The following CCNT1 variants were observed in gnomAD, a reference collection of about 807,000 sequenced individuals.
CCNT1 encodes cyclin-T1.
A neutral mutation model predicts 67.3 loss-of-function variants in CCNT1; 18 were observed. That is an observed-to-expected ratio of 0.27 (90% confidence interval 0.18 to 0.40). CCNT1 has a LOEUF of 0.40. Ranked by LOEUF, CCNT1 falls within the 10% of genes least tolerant of loss-of-function variation. CCNT1 has a pLI of 1.00. For synonymous variants in CCNT1, 333 were observed against 310.3 expected (o/e 1.07, Z -0.77); for missense variants, 744 against 884.9 (o/e 0.84, Z 2.02).
Position 48,693,577 on chromosome 12 carries a change from T to C in CCNT1, c.1637A>G (p.Lys546Arg). 1.2e-6 allele frequency: 2 copies of C among 1,614,054 alleles called. No individual in the cohort carries two copies. The highest frequency in any genetic ancestry group is 1.7e-6 in the Non-Finnish European group (2 of 1,180,024). Residue 546 changes from lysine to arginine, a missense_variant, in exon 9 of 9, where the codon AAA (lysine) becomes AGA (arginine). Transcript: ENST00000261900. ...GTGNKRPGDP[K>R]HSSQTSNLAH... The stretch of plus-strand genomic sequence containing the variant: ...TAAGTTGCTTGTCTGGCTACTATGT[T>C]TTGGATCACCAGGACGTTTGTTCCC...
chr12:48,697,304 G>C (rs1940184664), intron 6 of CCNT1, among the ~76,000 whole-genome samples: 1 of 151,882 alleles, frequency 6.6e-6, no homozygotes, highest in African/African-American at 2.4e-5. Context: ...CGGATCACTT[G>C]AGGCCAGGAG....
intron 1 of CCNT1, 41 bp downstream of exon 1, chr12:48,716,474 G>A (rs745930084): frequency 6.4e-6 from 10 of 1,550,460 alleles, no homozygotes; most frequent in Middle Eastern, 3.5e-4. Flanking sequence ...AGAGCATGGC[G>A]GGACCAACTC....
chr12:48,703,371 C>T (rs1408146390), intron 3 of CCNT1, among the ~76,000 whole-genome samples: 1 of 151,478 alleles, frequency 6.6e-6, no homozygotes, highest in African/African-American at 2.4e-5. Context: ...GTCAGGAGTT[C>T]GAGACCAGCC....
chr12:48,709,154 T>G (rs1043670852), intron 2 of CCNT1, among the ~76,000 whole-genome samples: 1 of 152,104 alleles, frequency 6.6e-6, no homozygotes, highest in African/African-American at 2.4e-5. Flanking sequence ...TTTAAGCCTA[T>G]TAGAAACTAA....
rs1940113702 is a variant in CCNT1, at chr12:48,693,465, A to G, written c.1749T>C (p.Ala583=). ...KRGPSEETGG[A]VFDHPAKIAK... Reference sequence around the variant, plus strand: ...CAATCTTGGCTGGATGATCAAACACAGCCCCTCCAGTCTCTTCAGAGGGTC... The same window carrying G: ...CAATCTTGGCTGGATGATCAAACACGGCCCCTCCAGTCTCTTCAGAGGGTC... The change falls in exon 9 of 9, where the codon GCT becomes GCC. Residue 583 remains alanine, a synonymous_variant. Coordinates refer to ENST00000261900, the MANE Select transcript of CCNT1 (RefSeq NM_001240.4). 1 of 1,614,246 alleles carries G rather than the reference A, an allele frequency of 6.2e-7. No homozygotes were observed. The highest frequency in any genetic ancestry group is 1.3e-5 in the African/African-American group (1 of 75,072).
rs1940100761 is a variant in CCNT1, at chr12:48,693,015, CCTCTT to C, written c.*13_*17del. On this transcript the variant is annotated 3_prime_UTR_variant, in exon 9 of 9. Transcript: ENST00000261900. ...TGTTTTTTTAAAGAAGTTTTTTTCTCCTCTTCTTTTTCTTTTTTTACTTAGGAAGG... is the reference window on the plus strand; with the variant it reads ...TGTTTTTTTAAAGAAGTTTTTTTCTCCTTTTTCTTTTTTTACTTAGGAAGG... 1 of 1,457,880 alleles carries C rather than the reference CCTCTT, an allele frequency of 6.9e-7. No homozygotes were observed. The allele number at this position is 1,457,880 out of a possible 1,614,324, so 90.3% of individuals were successfully genotyped here.
Position 48,693,424 on chromosome 12 carries a change from G to C in CCNT1, c.1790C>G (p.Ser597Cys). Reference sequence around the variant, plus strand: ...AGGGAAGGAGAAATTTAGGGAAGAGGATTTAGTACTCTTGGCAATCTTGGC... The same window carrying C: ...AGGGAAGGAGAAATTTAGGGAAGAGCATTTAGTACTCTTGGCAATCTTGGC... ...HPAKIAKSTK[S>C]SSLNFSFPSL... The change falls in exon 9 of 9, where the codon TCC (serine) becomes TGC (cysteine). Residue 597 changes from serine (S) to cysteine (C), a missense_variant. Around this residue, in one of 3 missense-constraint regions of CCNT1, gnomAD observed 564 missense variants for 574.2 expected, o/e 0.98. Transcript: ENST00000261900. 6.2e-7 allele frequency: 1 copy of C among 1,614,204 alleles called. No homozygotes were observed. The highest frequency in any genetic ancestry group is 8.5e-7 in the Non-Finnish European group (1 of 1,180,046).
At chr12:48,708,552 A>G (rs906618974) in intron 2 of CCNT1, among the ~76,000 whole-genome samples, 2 of 151,950 alleles carry the variant, frequency 1.3e-5, no homozygotes, top group Non-Finnish European at 2.9e-5. Flanking sequence ...GTCTCAAAAA[A>G]AGAAAAAAAA....
intron 2 of CCNT1, among the ~76,000 whole-genome samples, chr12:48,706,696 G>A (rs901443117): frequency 6.6e-6 from 1 of 152,120 alleles, no homozygotes; most frequent in Admixed American, 6.6e-5. Flanking sequence ...GTAATGCTAA[G>A]AGCTGTATTT....
intron 6 of CCNT1, among the ~76,000 whole-genome samples, chr12:48,697,095 T>C (rs1396491782): frequency 6.6e-6 from 1 of 152,110 alleles, no homozygotes; most frequent in Non-Finnish European, 1.5e-5. Flanking sequence ...CAGCCTGGGA[T>C]TACAGGTATG....
intron 2 of CCNT1, 87 bp downstream of exon 2, chr12:48,714,356 G>T (rs1432098859): frequency 5.1e-6 from 4 of 788,456 alleles, no homozygotes; most frequent in African/African-American, 3.5e-5. Flanking sequence ...TCAAGTTACA[G>T]TTCAGTAGCA....
Position 48,693,248 on chromosome 12 carries a change from C to G in CCNT1, c.1966G>C (p.Asp656His). The G allele has an allele frequency of 6.2e-7, 1 of 1,614,182 alleles. No homozygotes were observed. Among genetic ancestry groups the G allele is most frequent in the East Asian group, 2.2e-5 (1 of 44,882 alleles). ...AGCATATTCACAGTGTCTTGATAGT[C>G]TATTGTCTGGGTCGTGTTGTGACCA... is the stretch of plus-strand genomic sequence containing the variant. The part of the protein sequence containing the change: ...ANGHNTTQTI[D>H]YQDTVNMLHS... The change falls in exon 9 of 9, where the codon GAC becomes CAC. Residue 656 changes from aspartate to histidine, a missense_variant. By Grantham distance (81) the Asp-to-His change is moderately conservative (BLOSUM62 -1). Coordinates refer to ENST00000261900, the MANE Select transcript of CCNT1 (RefSeq NM_001240.4).
Position 48,692,549 on chromosome 12 carries a change from T to C in CCNT1, c.*484A>G, listed in dbSNP as rs1222384790. Reference sequence around the variant, plus strand: ...TCATATACACACAGCAAAATCCCTATCCCCTTCCCAATTATATAAAAAAAC... The same window carrying C: ...TCATATACACACAGCAAAATCCCTACCCCCTTCCCAATTATATAAAAAAAC... On this transcript the variant is annotated 3_prime_UTR_variant, in exon 9 of 9. Transcript: ENST00000261900. 2 of 149,678 alleles carry C rather than the reference T, an allele frequency of 1.3e-5. No homozygotes were observed. The highest frequency in any genetic ancestry group is 2.9e-5 in the Non-Finnish European group (2 of 68,724). The allele number at this position is 149,678 out of a possible 1,614,324, so 9.3% of individuals were successfully genotyped here.
chr12:48,698,796 A>G (rs1273702641), intron 5 of CCNT1, among the ~76,000 whole-genome samples: 3 of 152,148 alleles, frequency 2.0e-5, no homozygotes, highest in African/African-American at 7.2e-5. Context: ...CGTCTCTACT[A>G]AAAATAAAAA....
At chr12:48,703,473 T>C (rs1262973970) in intron 3 of CCNT1, among the ~76,000 whole-genome samples, 1 of 151,500 alleles carries the variant, frequency 6.6e-6, no homozygotes, top group East Asian at 1.9e-4. Flanking sequence ...CTCGGGAGGC[T>C]GAGGCAGGCA....
chr12:48,701,352 A>G (rs1940266173), intron 3 of CCNT1, among the ~76,000 whole-genome samples: 1 of 150,804 alleles, frequency 6.6e-6, no homozygotes, highest in Non-Finnish European at 1.5e-5. Flanking sequence ...CAGCCTCCCA[A>G]GTAGCTAAGA....
chr12:48,695,013 G>A (rs768367707), intron 8 of CCNT1, among the ~76,000 whole-genome samples: 33 of 152,106 alleles, frequency 2.2e-4, no homozygotes, highest in Non-Finnish European at 3.8e-4. Context: ...TAGTAGAGAC[G>A]AGGTTTCACC....
chr12:48,711,537 G>A (rs1320380406), intron 2 of CCNT1, among the ~76,000 whole-genome samples: 1 of 152,010 alleles, frequency 6.6e-6, no homozygotes, highest in East Asian at 1.9e-4. Flanking sequence ...CATAATAAAA[G>A]GGAAGAATTA....
In CCNT1 at chr12:48,691,789, T is replaced by C. The variant is rs565307133; in HGVS notation, c.*1244A>G. ...CTCAAGTCATATAGGCTGCAAAAAC[T>C]TGAGGATGTAGCTGTTTCCCTTCGG... On this transcript the variant is annotated 3_prime_UTR_variant, in exon 9 of 9. Coordinates refer to ENST00000261900, the MANE Select transcript of CCNT1 (RefSeq NM_001240.4). 1 of 152,188 alleles carries C rather than the reference T, an allele frequency of 6.6e-6. No individual in the cohort carries two copies. The highest frequency in any genetic ancestry group is 1.5e-5 in the Non-Finnish European group (1 of 68,022). The allele number at this position is 152,188 out of a possible 1,614,324, so 9.4% of individuals were successfully genotyped here.
Sources: gnomAD v4.1 joint callset for allele counts (sites outside exome capture counted in the v4.1 genomes callset) on GRCh38, gnomAD v4.1.1 for gene constraint, gnomAD v4.1.1 regional missense constraint, MANE v1.5 for transcripts, NCBI Gene and HGNC (gene_info 2026-07-23, HGNC 2026-07-21) for gene names.